Variants in ADGRV1 observed in about 807,000 individuals in gnomAD.
The protein encoded by ADGRV1 is adhesion G protein-coupled receptor V1.
ADGRV1 carries 359 observed loss-of-function variants against 596.2 expected under a neutral mutation model. The ratio of observed to expected loss-of-function variants is 0.60; its 90% CI spans 0.55 to 0.66. The LOEUF is 0.66. Among genes scored for constraint, ADGRV1 ranks in the 30% least tolerant of loss-of-function variants. The pLI is 0.00. For missense variants in ADGRV1, 7,274 were observed against 7,575.6 expected (o/e 0.96, Z 1.48); for synonymous variants, 2,681 against 2,679.2 (o/e 1.00, Z -0.02).
At chr5:90,961,293 G>C (rs1777987890) in intron 83 of ADGRV1, among the ~76,000 whole-genome samples, 1 of 152,020 alleles carries the variant, frequency 6.6e-6, no homozygotes, top group Non-Finnish European at 1.5e-5. Context: ...GAGGTCAGGA[G>C]AGCGAGACCA....
chr5:90,764,928 A>G (rs375451357), intron 59 of ADGRV1, among the ~76,000 whole-genome samples: 307 of 152,156 alleles, frequency 2.0e-3, no homozygotes, highest in African/African-American at 7.0e-3. Context: ...CACTTATAGC[A>G]TTGTCTTGGG....
intron 1 of ADGRV1, among the ~76,000 whole-genome samples, chr5:90,582,041 A>G (rs2151976872): frequency 6.7e-6 from 1 of 150,124 alleles, no homozygotes; most frequent in South Asian, 2.1e-4. Flanking sequence ...CTGTGGTCCA[A>G]GAGTGTACTT....
intron 59 of ADGRV1, among the ~76,000 whole-genome samples, chr5:90,773,759 T>C (rs965497222): frequency 4.6e-5 from 7 of 151,316 alleles, no homozygotes; most frequent in African/African-American, 1.7e-4. Flanking sequence ...GGATATCCAG[T>C]GTTGATGAAC....
At chr5:90,993,095 A>G (rs1006254363) in intron 85 of ADGRV1, among the ~76,000 whole-genome samples, 6 of 145,346 alleles carry the variant, frequency 4.1e-5, no homozygotes, top group African/African-American at 1.5e-4. Flanking sequence ...CATTATCTTT[A>G]GTGCTTGTGT....
At chr5:91,083,400 GA>G (rs923096305) in intron 86 of ADGRV1, among the ~76,000 whole-genome samples, 15 of 151,846 alleles carry the variant, frequency 9.9e-5, no homozygotes, top group East Asian at 9.7e-4. Flanking sequence ...ATAATAAAAA[GA>G]AAAAAAATTA....
chr5:90,679,429 A>G, intron 25 of ADGRV1, 120 bp from the exon 26 acceptor site: 4 of 583,198 alleles, frequency 6.9e-6, no homozygotes, highest in South Asian at 3.0e-5. Flanking sequence ...GGAAGAATGC[A>G]TGTTATTGGG....
Position 91,014,176 on chromosome 5 carries a change from C to CACACACA in ADGRV1, c.18152+28654_18152+28655insACACACA, listed in dbSNP as rs56292568. Reference sequence around the variant, plus strand: ...CACACACACACACACACACACACACCCCTAGACATACAGCTAACCAGGGAG... The same window carrying CACACACA: ...CACACACACACACACACACACACACCACACACACCTAGACATACAGCTAACCAGGGAG... On this transcript the variant is annotated intron_variant, in intron 85 of 89. Transcript: ENST00000405460. Among the ~76,000 whole-genome samples, 469 of 124,152 alleles carry CACACACA rather than the reference C, an allele frequency of 3.8e-3. 33 individuals carry two copies. The highest frequency in any genetic ancestry group is 4.3e-3 in the Non-Finnish European group (261 of 60,202). The allele number at this position is 124,152 out of a possible 152,430, so 81.4% of individuals were successfully genotyped here. A position where few individuals can be genotyped will look rare whatever the true frequency, so the allele number is the denominator to read the frequency against.
In ADGRV1 at chr5:90,810,860, T is replaced by A. The variant is rs1416961873; in HGVS notation, c.15600T>A (p.Ala5200=). The A allele has an allele frequency of 1.2e-6, 2 of 1,614,070 alleles. No individual in the cohort carries two copies. The highest frequency in any genetic ancestry group is 4.5e-5 in the East Asian group (2 of 44,890). Residue 5200 remains alanine, a synonymous_variant, in exon 74 of 90, where the codon GCT becomes GCA. Transcript: ENST00000405460. ...EKLVTLHGTP[A]VSEKPDVATV... The stretch of plus-strand genomic sequence containing the variant: ...TTGTCACCCTTCATGGCACACCTGC[T>A]GTGTCTGAAAAGCCTGATGTGGCCA...
intron 76 of ADGRV1, among the ~76,000 whole-genome samples, chr5:90,827,828 A>G (rs1322879714): frequency 6.6e-6 from 1 of 152,258 alleles, no homozygotes; most frequent in African/African-American, 2.4e-5. Flanking sequence ...TAACTAAGAT[A>G]TAACTTACTT....
intron 1 of ADGRV1, among the ~76,000 whole-genome samples, chr5:90,591,732 A>G (rs992875683): frequency 2.0e-5 from 3 of 152,216 alleles, no homozygotes; most frequent in Non-Finnish European, 2.9e-5. Context: ...ACTTGTTGAA[A>G]CATTCTTTTA....
At chr5:91,072,710 C>T in intron 86 of ADGRV1, 106 bp downstream of exon 86, 1 of 1,164,372 alleles carries the variant, frequency 8.6e-7, no homozygotes, top group Non-Finnish European at 1.2e-6. Context: ...GCTCATCTTT[C>T]AGCTCTGAAG....
chr5:90,655,022 A>G (rs1769199636), intron 20 of ADGRV1: 1 of 152,154 alleles, frequency 6.6e-6, no homozygotes, highest in Admixed American at 6.5e-5. Context: ...TTTTTAAACT[A>G]TATGTAAAGT....
intron 39 of ADGRV1, among the ~76,000 whole-genome samples, chr5:90,709,462 T>A (rs1258173087): frequency 6.6e-6 from 1 of 152,228 alleles, no homozygotes; most frequent in Non-Finnish European, 1.5e-5. Flanking sequence ...CACAAACTCC[T>A]CTTTCAGTGT....
chr5:90,918,382 A>G (rs1773573934), intron 83 of ADGRV1, among the ~76,000 whole-genome samples: 1 of 152,186 alleles, frequency 6.6e-6, no homozygotes, highest in Non-Finnish European at 1.5e-5. Flanking sequence ...GATCTGTTTT[A>G]TTAAGAATCA....
chr5:91,109,720 A>G (rs1303065944), intron 87 of ADGRV1, among the ~76,000 whole-genome samples: 2 of 152,192 alleles, frequency 1.3e-5, no homozygotes, highest in Non-Finnish European at 2.9e-5. Context: ...CCATGCAGGA[A>G]CAAATCACAG....
At chr5:90,780,239 C>G (rs1758696042) in intron 64 of ADGRV1, 1 of 152,074 alleles carries the variant, frequency 6.6e-6, no homozygotes, top group African/African-American at 2.4e-5. Context: ...CAAGTTTTTC[C>G]TTCCAGATAA....
At chr5:90,737,142 T>A (rs1753343634) in intron 50 of ADGRV1, among the ~76,000 whole-genome samples, 2 of 152,012 alleles carry the variant, frequency 1.3e-5, no homozygotes, top group Admixed American at 1.3e-4. Flanking sequence ...TACATTTTAG[T>A]ATATTATTTT....
Position 90,745,073 on chromosome 5 carries a change from T to G in ADGRV1, c.10577T>G (p.Met3526Arg). The G allele has an allele frequency of 6.2e-7, 1 of 1,613,758 alleles. No individual in the cohort carries two copies. The highest frequency in any genetic ancestry group is 8.5e-7 in the Non-Finnish European group (1 of 1,179,694). Residue 3526 changes from methionine (M) to arginine (R), a missense_variant, in exon 51 of 90, where the codon ATG (methionine) becomes AGG (arginine). Met to Arg is a moderately conservative substitution (Grantham distance 91). Around this residue, in one of 5 missense-constraint regions of ADGRV1, gnomAD observed 3,643 missense variants for 3,809.2 expected, o/e 0.96. Coordinates refer to ENST00000405460, the MANE Select transcript of ADGRV1 (RefSeq NM_032119.4). ...IAHILLIGQD[M>R]SALYCWNSER... ...CACATACTTCTTATTGGCCAAGATA[T>G]GTCTGCTCTTTACTGCTGGAATTCG...
At chr5:90,946,212 C>T (rs1020244283) in intron 83 of ADGRV1, among the ~76,000 whole-genome samples, 5 of 151,688 alleles carry the variant, frequency 3.3e-5, no homozygotes, top group East Asian at 1.9e-4. Context: ...ATGAAGGGAC[C>T]GCAGTGCCGC....
Sources: allele counts gnomAD v4.1 joint callset (sites outside exome capture counted in the v4.1 genomes callset), GRCh38; gene constraint gnomAD v4.1.1; regional missense constraint gnomAD v4.1.1; transcripts MANE v1.5; gene names NCBI Gene and HGNC (gene_info 2026-07-23, HGNC 2026-07-21).